TXNL4A: variants seen among roughly 807,000 people sequenced by gnomAD.
The protein encoded by TXNL4A is thioredoxin like 4A, also known as thioredoxin-like protein 4A.
A neutral mutation model predicts 14.6 loss-of-function variants in TXNL4A; 17 were observed. The ratio of observed to expected loss-of-function variants is 1.16; its 90% CI spans 0.80 to 1.74. The LOEUF is 1.74. Among genes scored for constraint, TXNL4A ranks in the 40% most tolerant of loss-of-function variants. The probability of loss-of-function intolerance (pLI) is 0.00; values close to 1 mark genes in which losing one functional copy is unlikely to be tolerated. For synonymous variants in TXNL4A, 83 were observed against 70.6 expected, an observed-to-expected ratio of 1.18 and a Z score of -0.88; for missense variants, 74 against 195.2, an observed-to-expected ratio of 0.38 and a Z score of 3.70.
intron 1 of TXNL4A, among the ~76,000 whole-genome samples, chr18:80,013,871 AG>A (rs2051789077): frequency 6.6e-6 from 1 of 152,248 alleles, no homozygotes; most frequent in South Asian, 2.1e-4. Flanking sequence ...AACAACAAAA[AG>A]GCTTAATTAG....
At chr18:80,033,564 C>G (rs2051940890) in intron 1 of TXNL4A, among the ~76,000 whole-genome samples, 2 of 152,252 alleles carry the variant, frequency 1.3e-5, no homozygotes, top group African/African-American at 2.4e-5. Context: ...CGGAAACAGA[C>G]GGACCCCTCG....
At position 79,973,500 on chromosome 18, in the gene TXNL4A, C is replaced by A. The variant is rs1483974135; in HGVS notation, c.*185G>T. On this transcript the variant is annotated 3_prime_UTR_variant, in exon 3 of 3. Transcript: ENST00000269601. ...ATTCATTAAGTTTCCTGAGAACAAA[C>A]AAGTAGGCCTGCTCCTCTCACCACG... The A allele has an allele frequency of 5.0e-6, 3 of 600,188 alleles. No homozygotes were observed. The highest frequency in any genetic ancestry group is 3.7e-5 in the Admixed American group (1 of 27,050). The allele number at this position is 600,188 out of a possible 1,614,324, so 37.2% of individuals were successfully genotyped here. A position where few individuals can be genotyped will look rare whatever the true frequency, so the allele number is the denominator to read the frequency against.
intron 1 of TXNL4A, among the ~76,000 whole-genome samples, chr18:80,006,217 C>G (rs931302007): frequency 6.6e-6 from 1 of 152,054 alleles, no homozygotes; most frequent in African/African-American, 2.4e-5. Flanking sequence ...AACCTTGTCT[C>G]TACTAAAAAT....
At chr18:80,017,325 A>T (rs1254309320) in intron 1 of TXNL4A, among the ~76,000 whole-genome samples, 2 of 152,196 alleles carry the variant, frequency 1.3e-5, no homozygotes, top group East Asian at 1.9e-4. Context: ...CAATTTGACT[A>T]CCTCTTTTCC....
At chr18:80,029,131 A>C (rs753008341) in intron 1 of TXNL4A, among the ~76,000 whole-genome samples, 8 of 152,240 alleles carry the variant, frequency 5.3e-5, no homozygotes, top group Non-Finnish European at 7.3e-5. Context: ...ACTGAAATAC[A>C]GTGTGGACCT....
intron 1 of TXNL4A, among the ~76,000 whole-genome samples, chr18:80,032,032 G>A (rs887141766): frequency 2.0e-5 from 3 of 152,228 alleles, no homozygotes; most frequent in African/African-American, 7.2e-5. Flanking sequence ...TCAGAGAATT[G>A]CTCTAATTCA....
intron 1 of TXNL4A, among the ~76,000 whole-genome samples, chr18:79,978,097 T>C (rs902002384): frequency 6.6e-6 from 1 of 152,178 alleles, no homozygotes; most frequent in African/African-American, 2.4e-5. Context: ...TTTCCCAGAA[T>C]AGTTCAGGAA....
intron 1 of TXNL4A, among the ~76,000 whole-genome samples, chr18:80,031,350 C>T (rs1199068096): frequency 1.3e-5 from 2 of 152,208 alleles, no homozygotes; most frequent in East Asian, 3.9e-4. Flanking sequence ...TATTTATTGG[C>T]TAGCTCCAAG....
chr18:80,026,679 G>A (rs1202878914), intron 1 of TXNL4A, among the ~76,000 whole-genome samples: 2 of 152,048 alleles, frequency 1.3e-5, no homozygotes, highest in Admixed American at 6.6e-5. Context: ...TTACTTTCCC[G>A]TTTCATTGGG....
At chr18:79,992,876 TAA>T (rs59567705), upstream of TXNL4A, among the ~76,000 whole-genome samples, 1,034 of 78,546 alleles carry the variant, frequency 0.013, 22 homozygotes, top group African/African-American at 0.045. Flanking sequence ...TCATCTTATG[TAA>T]AAAAAAAAAA....
upstream of TXNL4A, among the ~76,000 whole-genome samples, chr18:79,989,860 G>A (rs2051613499): frequency 6.6e-6 from 1 of 152,178 alleles, no homozygotes; most frequent in African/African-American, 2.4e-5. Flanking sequence ...CCCGGGCATG[G>A]TGGCGCCCGC....
chr18:79,992,088 C>A (rs1325234731), upstream of TXNL4A, among the ~76,000 whole-genome samples: 2 of 152,208 alleles, frequency 1.3e-5, no homozygotes, highest in Non-Finnish European at 2.9e-5. Flanking sequence ...AGTTTCTGAT[C>A]AGCCTTTCCA....
chr18:79,977,561 A>C (rs758153246), intron 2 of TXNL4A, 37 bp downstream of exon 2: 13 of 1,461,014 alleles, frequency 8.9e-6, no homozygotes, highest in Non-Finnish European at 1.1e-5. Flanking sequence ...CCAAACTGAC[A>C]ATATTCAATT....
At chr18:80,005,427 G>A (rs2051723529) in intron 1 of TXNL4A, among the ~76,000 whole-genome samples, 1 of 152,306 alleles carries the variant, frequency 6.6e-6, no homozygotes, top group Non-Finnish European at 1.5e-5. Flanking sequence ...GCCTATGTAG[G>A]TATTCATTCT....
chr18:79,975,792 G>T (rs1025220336), intron 2 of TXNL4A, among the ~76,000 whole-genome samples: 1 of 152,054 alleles, frequency 6.6e-6, no homozygotes, highest in Non-Finnish European at 1.5e-5. Context: ...CAACACACTC[G>T]GGATATTTAG....
At chr18:80,033,576 A>G (rs866577011) in intron 1 of TXNL4A, among the ~76,000 whole-genome samples, 1 of 152,250 alleles carries the variant, frequency 6.6e-6, no homozygotes, top group Admixed American at 6.5e-5. Flanking sequence ...GACCCCTCGC[A>G]GCCTCCCGCC....
At chr18:80,025,677 A>G (rs2051879910) in intron 1 of TXNL4A, among the ~76,000 whole-genome samples, 1 of 152,244 alleles carries the variant, frequency 6.6e-6, no homozygotes, top group Non-Finnish European at 1.5e-5. Flanking sequence ...TAAAGATCCA[A>G]TCAGGTTTGC....
rs1467986176 is a variant in TXNL4A, at chr18:79,988,513, T to G, written c.-121A>C. ...CCCCGGGCCCACGGACGAAATCCGGTCCCGCCCGCACACGCAAACTCCGCT... is the reference window on the plus strand; with the variant it reads ...CCCCGGGCCCACGGACGAAATCCGGGCCCGCCCGCACACGCAAACTCCGCT... On this transcript the variant is annotated 5_prime_UTR_variant, in exon 1 of 3. Transcript: ENST00000269601. 3 of 1,106,966 alleles carry G rather than the reference T, an allele frequency of 2.7e-6. No homozygotes were observed. The highest frequency in any genetic ancestry group is 3.5e-6 in the Non-Finnish European group (3 of 869,088). The allele number at this position is 1,106,966 out of a possible 1,614,324, so 68.6% of individuals were successfully genotyped here.
At chr18:80,018,384 G>T (rs182031515) in intron 1 of TXNL4A, among the ~76,000 whole-genome samples, 1 of 152,108 alleles carries the variant, frequency 6.6e-6, no homozygotes, top group South Asian at 2.1e-4. Context: ...GAGAAAGCAC[G>T]AAAGATCCAA....
Sources: gnomAD v4.1 joint callset for allele counts (sites outside exome capture counted in the v4.1 genomes callset) on GRCh38, gnomAD v4.1.1 for gene constraint, MANE v1.5 for transcripts, NCBI Gene and HGNC (gene_info 2026-07-23, HGNC 2026-07-21) for gene names.